AOX1: variants seen among roughly 807,000 people sequenced by gnomAD.
AOX1 encodes aldehyde oxidase 1, also known as aldehyde oxidase.
AOX1 carries 153 observed loss-of-function variants against 169.5 expected under a neutral mutation model. That is an observed-to-expected ratio of 0.90 (90% CI 0.79 to 1.03). The LOEUF (loss-of-function observed/expected upper bound fraction) is 1.03. Among genes scored for constraint, AOX1 ranks in the 50% least tolerant of loss-of-function variants. The pLI is 0.00. For missense variants in AOX1, 1,656 were observed against 1,663.9 expected (o/e 1.00, Z 0.08); for synonymous variants, 562 against 581.9 (o/e 0.97, Z 0.49).
chr2:200,588,536 T>A (rs1281807719), intron 1 of AOX1, among the ~76,000 whole-genome samples: 1 of 152,134 alleles, frequency 6.6e-6, no homozygotes. Flanking sequence ...ACTTTGTCTA[T>A]GGGCCAAATG....
chr2:200,642,110 C>T (rs1294300077), intron 24 of AOX1, among the ~76,000 whole-genome samples: 2 of 151,428 alleles, frequency 1.3e-5, no homozygotes, highest in Non-Finnish European at 2.9e-5. Flanking sequence ...GCCTGGGCAA[C>T]AAAAGTGAAA....
At position 200,638,321 on chromosome 2, in the gene AOX1, G is replaced by A. The variant is rs2035282432; in HGVS notation, c.2568+19G>A. The A allele has an allele frequency of 5.0e-6, 8 of 1,608,600 alleles. No homozygotes were observed. The highest frequency in any genetic ancestry group is 6.8e-6 in the Non-Finnish European group (8 of 1,175,310). On this transcript the variant is annotated intron_variant, in intron 23 of 34. Coordinates refer to ENST00000374700, the MANE Select transcript of AOX1 (RefSeq NM_001159.4). ...GTACAAAGTGAGTACAAGAGGGCAT[G>A]GAGGAAGGATTTATGTTGTAGATAC...
rs369814413 is a variant in AOX1, at chr2:200,666,724, G to T, written c.3581G>T (p.Ser1194Ile). Residue 1194 changes from serine (S) to isoleucine (I), a missense_variant, in exon 32 of 35, where the codon AGT (serine) becomes ATT (isoleucine). Coordinates refer to ENST00000374700, the MANE Select transcript of AOX1 (RefSeq NM_001159.4). ...GACATTGTCATGGATGTTGGCTGCA[G>T]TATAAATCCAGCCATTGACATAGGC... is the stretch of plus-strand genomic sequence containing the variant. ...RTDIVMDVGC[S>I]INPAIDIGQI... The T allele has an allele frequency of 6.2e-7, 1 of 1,610,696 alleles. No individual in the cohort carries two copies. Among genetic ancestry groups the T allele is most frequent in the Non-Finnish European group, 8.5e-7 (1 of 1,179,140 alleles).
chr2:200,614,156 G>A (rs994653757), intron 15 of AOX1, among the ~76,000 whole-genome samples, 190 bp downstream of exon 15: 1 of 152,196 alleles, frequency 6.6e-6, no homozygotes, highest in African/African-American at 2.4e-5. Context: ...ATTGAAAGTA[G>A]AGCCAAGAGT....
chr2:200,646,988 A>G (rs983900916), intron 25 of AOX1, among the ~76,000 whole-genome samples: 1 of 152,150 alleles, frequency 6.6e-6, no homozygotes, highest in Non-Finnish European at 1.5e-5. Flanking sequence ...TGAAGGGAAC[A>G]GATAGTTGGT....
At chr2:200,614,280 A>T (rs918676600) in intron 15 of AOX1, among the ~76,000 whole-genome samples, 14 of 152,090 alleles carry the variant, frequency 9.2e-5, no homozygotes, top group African/African-American at 3.1e-4. Flanking sequence ...TCTGTATGTC[A>T]TTTCTTTCTC....
At chr2:200,602,974 C>T (rs906029129) in intron 6 of AOX1, among the ~76,000 whole-genome samples, 2 of 152,186 alleles carry the variant, frequency 1.3e-5, no homozygotes, top group Middle Eastern at 3.4e-3. Context: ...AAAATACTAA[C>T]AATATTAACA....
chr2:200,624,166 C>T (rs1219587214), intron 19 of AOX1, among the ~76,000 whole-genome samples, 183 bp downstream of exon 19: 1 of 152,218 alleles, frequency 6.6e-6, no homozygotes, highest in Non-Finnish European at 1.5e-5. Context: ...CTTTTTGCCA[C>T]TCTTCTCTGC....
chr2:200,590,560 T>C (rs2034148013), intron 1 of AOX1, among the ~76,000 whole-genome samples: 1 of 151,698 alleles, frequency 6.6e-6, no homozygotes, highest in Non-Finnish European at 1.5e-5. Flanking sequence ...CCTCACTACA[T>C]CAAAACAACA....
chr2:200,657,190 A>ATATATATTTTTTTT, intron 27 of AOX1, among the ~76,000 whole-genome samples: 15 of 62,880 alleles, frequency 2.4e-4, no homozygotes, highest in African/African-American at 7.1e-4. Flanking sequence ...ATATATATAT[A>ATATATATTTTTTTT]TTTTTTTTTT....
downstream of AOX1, among the ~76,000 whole-genome samples, chr2:200,672,956 G>A (rs555942553): frequency 6.6e-6 from 1 of 152,286 alleles, no homozygotes; most frequent in East Asian, 1.9e-4. Context: ...CAGGGACGGG[G>A]GCAGCCATGT....
chr2:200,648,417 C>G (rs975538220), intron 25 of AOX1, among the ~76,000 whole-genome samples: 3 of 152,204 alleles, frequency 2.0e-5, no homozygotes, highest in Non-Finnish European at 4.4e-5. Flanking sequence ...TGAGGGTTGT[C>G]TGCACAGAGT....
intron 10 of AOX1, among the ~76,000 whole-genome samples, chr2:200,607,589 C>G (rs563184283): frequency 3.9e-4 from 59 of 152,208 alleles, no homozygotes; most frequent in African/African-American, 1.3e-3. Flanking sequence ...ACCAGAAATA[C>G]CATTTGACCC....
chr2:200,593,225 CTGTGTA>C, intron 2 of AOX1, 22 bp downstream of exon 2: 1 of 1,596,074 alleles, frequency 6.3e-7, no homozygotes, highest in Non-Finnish European at 8.6e-7. Context: ...TTTACTTTGA[CTGTGTA>C]TGTGTGTGTG....
At chr2:200,615,556 A>G (rs1416545855) in intron 15 of AOX1, among the ~76,000 whole-genome samples, 2 of 152,126 alleles carry the variant, frequency 1.3e-5, no homozygotes, top group South Asian at 2.1e-4. Flanking sequence ...TGGAACCTTT[A>G]TGCTTATTTG....
chr2:200,617,481 CAAAAAAAAAA>C lies in AOX1; in HGVS notation c.1704+1434_1704+1443del, dbSNP rs35035526. Among the ~76,000 whole-genome samples the C allele has an allele frequency of 6.9e-5, 4 of 58,206 alleles. No homozygotes were observed. In the East Asian group the frequency reaches 1.9e-3, roughly 28 times the overall value. The allele number at this position is 58,206 out of a possible 152,430, so 38.2% of individuals were successfully genotyped here. Reference sequence around the variant, plus strand: ...CCAGTAGATTTATCACAACTAACTGCAAAAAAAAAAAAAAAAAAAAAAAAATGTATGATAT... The same window carrying C: ...CCAGTAGATTTATCACAACTAACTGCAAAAAAAAAAAAAAATGTATGATAT... On this transcript the variant is annotated intron_variant, in intron 16 of 34. Coordinates refer to ENST00000374700, the MANE Select transcript of AOX1 (RefSeq NM_001159.4).
At chr2:200,607,734 T>G (rs2034545117) in intron 10 of AOX1, among the ~76,000 whole-genome samples, 1 of 152,122 alleles carries the variant, frequency 6.6e-6, no homozygotes, top group Admixed American at 6.5e-5. Context: ...ACATCAATGA[T>G]AGACTGGATA....
chr2:200,661,454 G>C, intron 29 of AOX1, 125 bp from the exon 30 acceptor site: 1 of 744,486 alleles, frequency 1.3e-6, no homozygotes, highest in East Asian at 2.5e-5. Context: ...GGATTAATCT[G>C]GGTCCTTCCT....
intron 27 of AOX1, 42 bp from the exon 28 acceptor site, chr2:200,659,123 C>G (rs531515366): frequency 3.7e-6 from 6 of 1,603,890 alleles, no homozygotes; most frequent in African/African-American, 1.3e-5. Context: ...AGGTCTGTGA[C>G]TAATCAAAGT....
Sources: gnomAD v4.1 joint callset for allele counts (sites outside exome capture counted in the v4.1 genomes callset) on GRCh38, gnomAD v4.1.1 for gene constraint, MANE v1.5 for transcripts, NCBI Gene and HGNC (gene_info 2026-07-23, HGNC 2026-07-21) for gene names.